Variants in PDCD6IP observed in about 807,000 individuals in gnomAD.
The protein encoded by PDCD6IP is programmed cell death 6 interacting protein, also known as programmed cell death 6-interacting protein.
In PDCD6IP, 43 loss-of-function variants were observed where a neutral mutation model predicts 103.7. The observed-to-expected ratio is 0.41, with a 90% CI of 0.32 to 0.53. PDCD6IP has a LOEUF of 0.53. PDCD6IP is among the 20% of genes least tolerant of loss of function. The probability of loss-of-function intolerance (pLI) is 0.16; values close to 1 mark genes in which losing one functional copy is unlikely to be tolerated. For synonymous variants in PDCD6IP, 354 were observed against 378.7 expected (o/e 0.93, Z 0.76); for missense variants, 871 against 1,036.7 (o/e 0.84, Z 2.20).
At position 33,812,103 on chromosome 3, in the gene PDCD6IP, A is replaced by T; in HGVS notation, c.241A>T (p.Lys81Ter). 6.3e-7 allele frequency: 1 copy of T among 1,599,826 alleles called. No individual in the cohort carries two copies. Among genetic ancestry groups the T allele is most frequent in the Non-Finnish European group, 8.5e-7 (1 of 1,173,422 alleles). ...YYDQICSIEP[K>*]FPFSENQICL... The stretch of plus-strand genomic sequence containing the variant: ...TGATCAGATTTGTTCTATTGAACCC[A>T]AATTCCCATTTTCTGAAAATCAGGT... Residue 81 changes from lysine (K) to a stop codon, truncating the protein, a stop_gained, in exon 2 of 18, where the codon AAA becomes TAA. Transcript: ENST00000307296. LOFTEE classifies it high-confidence loss of function.
chr3:33,861,883 A>G (rs546959133), intron 15 of PDCD6IP, among the ~76,000 whole-genome samples: 1 of 152,274 alleles, frequency 6.6e-6, no homozygotes, highest in East Asian at 1.9e-4. Flanking sequence ...AAGAATGAAT[A>G]TTTTACTCTG....
At chr3:33,824,379 T>G (rs1048468122) in intron 4 of PDCD6IP, among the ~76,000 whole-genome samples, 1 of 152,050 alleles carries the variant, frequency 6.6e-6, no homozygotes, top group Non-Finnish European at 1.5e-5. Flanking sequence ...TGCCTCAGCC[T>G]CCCGAGCAGC....
chr3:33,861,279 G>A (rs1697947132), intron 15 of PDCD6IP, among the ~76,000 whole-genome samples: 1 of 151,908 alleles, frequency 6.6e-6, no homozygotes. Flanking sequence ...GAGTAGCTGG[G>A]ATTACAAGCG....
At chr3:33,841,433 CTTTTTTT>C (rs1301369045) in intron 9 of PDCD6IP, among the ~76,000 whole-genome samples, 11 of 60,948 alleles carry the variant, frequency 1.8e-4, no homozygotes, top group Admixed American at 2.5e-4. Context: ...CTTTGCTTTG[CTTTTTTT>C]TTTTTTTTTT....
At chr3:33,865,781 A>G (rs1170126469) in intron 17 of PDCD6IP, among the ~76,000 whole-genome samples, 1 of 152,206 alleles carries the variant, frequency 6.6e-6, no homozygotes, top group Non-Finnish European at 1.5e-5. Flanking sequence ...TTACGTCCCT[A>G]TACTTAGAAT....
At chr3:33,821,819 C>G (rs1022012923) in intron 3 of PDCD6IP, 136 bp from the exon 4 acceptor site, 2 of 735,972 alleles carry the variant, frequency 2.7e-6, no homozygotes, top group Non-Finnish European at 4.3e-6. Context: ...GAGCATATGA[C>G]AGCAAGAAAA....
At chr3:33,855,071 TCTAA>T (rs1488113785) in intron 14 of PDCD6IP, 91 bp from the exon 15 acceptor site, 13 of 723,246 alleles carry the variant, frequency 1.8e-5, no homozygotes, top group Middle Eastern at 2.5e-4. Context: ...GTTCTTCGGC[TCTAA>T]CTATCATTGA....
At chr3:33,843,650 C>T (rs1166989147) in intron 10 of PDCD6IP, among the ~76,000 whole-genome samples, 4 of 152,140 alleles carry the variant, frequency 2.6e-5, no homozygotes, top group Non-Finnish European at 5.9e-5. Flanking sequence ...CCTTGTGTTT[C>T]TGGCCCCCTA....
At position 33,825,290 on chromosome 3, in the gene PDCD6IP, T is replaced by G; in HGVS notation, c.566T>G (p.Leu189Arg). ...ISPDTVGTLS[L>R]IMLAQAQEVF... ...CCAGATACTGTTGGGACCCTCAGTC[T>G]TATTATGCTGGCACAGGCTCAAGAA... Residue 189 changes from leucine (L) to arginine (R), a missense_variant, in exon 5 of 18, where the codon CTT becomes CGT. Leu to Arg is a moderately radical substitution (Grantham distance 102). Coordinates refer to ENST00000307296, the MANE Select transcript of PDCD6IP (RefSeq NM_013374.6). 6.2e-7 allele frequency: 1 copy of G among 1,613,408 alleles called. No individual in the cohort carries two copies.
intron 13 of PDCD6IP, among the ~76,000 whole-genome samples, chr3:33,853,067 G>C (rs922736675): frequency 1.3e-5 from 2 of 151,992 alleles, no homozygotes; most frequent in African/African-American, 4.8e-5. Context: ...GGGACTATAG[G>C]CGCCCGCCAC....
chr3:33,805,239 G>A (rs1575896859), intron 1 of PDCD6IP, among the ~76,000 whole-genome samples: 1 of 151,204 alleles, frequency 6.6e-6, no homozygotes, highest in African/African-American at 2.4e-5. Flanking sequence ...GCCTGTAATC[G>A]CAGCTGCTCG....
rs540758108 is a variant in PDCD6IP at position 33,828,770 on chromosome 3, TTTCC to T, written c.718-80_718-77del. 290 of 1,502,542 alleles carry T rather than the reference TTTCC, an allele frequency of 1.9e-4. 1 individual carries two copies. In the African/African-American group the frequency reaches 3.5e-3, roughly 18 times the overall value. 93.1% of individuals were successfully genotyped at this position (1,502,542 alleles called of 1,614,324 possible). A position where few individuals can be genotyped will look rare whatever the true frequency, so the allele number is the denominator to read the frequency against. On this transcript the variant is annotated intron_variant, in intron 6 of 17. Transcript: ENST00000307296. ...GGGGTGATTCTAATTTCTGTCTTCT[TTTCC>T]TTTTTCTTCCTGCATCCCATGTTGT...
At chr3:33,866,328 A>G (rs772968212) in intron 17 of PDCD6IP, 23 bp from the exon 18 acceptor site, 5 of 1,402,500 alleles carry the variant, frequency 3.6e-6, no homozygotes, top group Admixed American at 2.7e-5. Flanking sequence ...ACCAATCAAG[A>G]TTTTTCTGTT....
At chr3:33,816,529 G>GA (rs1262581938) in intron 3 of PDCD6IP, among the ~76,000 whole-genome samples, 1 of 113,492 alleles carries the variant, frequency 8.8e-6, no homozygotes, top group Non-Finnish European at 1.8e-5. Flanking sequence ...AAAAAAAAAA[G>GA]AAAATATCTC....
intron 5 of PDCD6IP, among the ~76,000 whole-genome samples, chr3:33,825,549 G>A (rs1240500814): frequency 1.3e-5 from 2 of 152,168 alleles, no homozygotes; most frequent in African/African-American, 4.8e-5. Context: ...TCATGAAATA[G>A]ATCTTTAGTA....
chr3:33,842,978 A>G (rs1176683498), intron 10 of PDCD6IP, among the ~76,000 whole-genome samples: 1 of 152,234 alleles, frequency 6.6e-6, no homozygotes, highest in African/African-American at 2.4e-5. Flanking sequence ...TGCTTCTGCC[A>G]TAAAAAGGCA....
chr3:33,807,828 T>A (rs1696631269), intron 1 of PDCD6IP, among the ~76,000 whole-genome samples: 3 of 152,242 alleles, frequency 2.0e-5, no homozygotes, highest in Non-Finnish European at 4.4e-5. Context: ...TATGCTTGAT[T>A]TAGCCTTTTT....
intron 1 of PDCD6IP, among the ~76,000 whole-genome samples, chr3:33,805,644 T>C (rs1231815747): frequency 2.0e-5 from 3 of 151,684 alleles, no homozygotes; most frequent in Admixed American, 2.0e-4. Flanking sequence ...GGTCTTGAAC[T>C]CCTGAACTCA....
At chr3:33,816,287 A>G (rs1696848470) in intron 3 of PDCD6IP, among the ~76,000 whole-genome samples, 1 of 152,088 alleles carries the variant, frequency 6.6e-6, no homozygotes, top group East Asian at 1.9e-4. Flanking sequence ...TGGGTGGATC[A>G]CGAGGTCAGG....
Sources: allele counts gnomAD v4.1 joint callset (sites outside exome capture counted in the v4.1 genomes callset), GRCh38; gene constraint gnomAD v4.1.1; transcripts MANE v1.5; gene names NCBI Gene and HGNC (gene_info 2026-07-23, HGNC 2026-07-21).